The following SLC40A1 variants were observed in gnomAD, a reference collection of about 807,000 sequenced individuals.
SLC40A1 encodes solute carrier family 40 member 1.
Under a neutral mutation model 53.5 loss-of-function variants are expected in SLC40A1, and 16 were observed. The ratio of observed to expected loss-of-function variants is 0.30; its 90% CI spans 0.20 to 0.45. The LOEUF is 0.45. SLC40A1 is among the 20% of genes least tolerant of loss of function. The pLI, the probability that SLC40A1 is intolerant of heterozygous loss-of-function variation, is 1.00. For missense variants in SLC40A1, 545 were observed against 695.4 expected, an observed-to-expected ratio of 0.78 and a Z score of 2.43; for synonymous variants, 247 against 253.2, an observed-to-expected ratio of 0.98 and a Z score of 0.23.
chr2:189,563,278 A>C (rs887723551), intron 7 of SLC40A1, among the ~76,000 whole-genome samples: 7 of 150,592 alleles, frequency 4.6e-5, no homozygotes, highest in Admixed American at 4.0e-4. Context: ...CTGATCTCAA[A>C]AAAAAAAAAA....
intron 2 of SLC40A1, 125 bp downstream of exon 2, chr2:189,579,688 G>T: frequency 1.2e-6 from 1 of 837,182 alleles, no homozygotes; most frequent in Non-Finnish European, 2.1e-6. Flanking sequence ...TAAAGCATGT[G>T]TACTTGGATG....
At position 189,563,888 on chromosome 2, in the gene SLC40A1, T is replaced by C; in HGVS notation, c.1098A>G (p.Lys366=). The change falls in exon 7 of 8, where the codon AAA becomes AAG. Residue 366 remains lysine (K), a synonymous_variant. Coordinates refer to ENST00000261024, the MANE Select transcript of SLC40A1 (RefSeq NM_014585.6). ...TCAGACCTGTCCGAACCAAACCACA[T>C]TTTCGACGTAGCCAAGTAAAAGCTA... The part of the protein sequence containing the change: ...GTVAFTWLRR[K]CGLVRTGLIS... 1 of 1,614,112 alleles carries C rather than the reference T, an allele frequency of 6.2e-7. No homozygotes were observed. Among genetic ancestry groups the C allele is most frequent in the Non-Finnish European group, 8.5e-7 (1 of 1,180,014 alleles).
rs763188298 is a variant in SLC40A1 at position 189,562,111 on chromosome 2, C to T, written c.1483G>A (p.Val495Ile). Residue 495 changes from valine to isoleucine, a missense_variant, in exon 8 of 8, where the codon GTA becomes ATA. Physicochemically the swap from Val to Ile is conservative, Grantham distance 29. Transcript: ENST00000261024. ...IESERGIINGVQNSMNYLLDL... is the reference protein window; with the variant it reads ...IESERGIINGIQNSMNYLLDL... ...AGAAGATAGTTCATGGAGTTCTGTA[C>T]ACCATTTATAATGCCTCTTTCAGAT... 4.3e-6 allele frequency: 7 copies of T among 1,613,708 alleles called. No homozygotes were observed. Among genetic ancestry groups the T allele is most frequent in the Non-Finnish European group, 5.9e-6 (7 of 1,179,754 alleles).
intron 2 of SLC40A1, 85 bp downstream of exon 2, chr2:189,579,727 TG>T: frequency 2.6e-6 from 3 of 1,158,614 alleles, no homozygotes; most frequent in Non-Finnish European, 3.9e-6. Flanking sequence ...TTGACAAAAC[TG>T]GAAGTTGGCT....
At chr2:189,573,125 A>C (rs950314475) in intron 3 of SLC40A1, among the ~76,000 whole-genome samples, 164 bp from the exon 4 acceptor site, 1 of 152,202 alleles carries the variant, frequency 6.6e-6, no homozygotes, top group African/African-American at 2.4e-5. Flanking sequence ...AACTACTCTC[A>C]ATACAACCCA....
At position 189,563,963 on chromosome 2, in the gene SLC40A1, G is replaced by A; in HGVS notation, c.1023C>T (p.Ile341=). ...CTGATGCTCCCATCAAAATACTGAGGATGGAACCACTCAGTCCCTGAGTGT... is the reference window on the plus strand; with the variant it reads ...CTGATGCTCCCATCAAAATACTGAGAATGGAACCACTCAGTCCCTGAGTGT... ...YAYTQGLSGS[I]LSILMGASAI... is the part of the protein sequence containing the mutation. The change falls in exon 7 of 8, where the codon ATC becomes ATT. Residue 341 remains isoleucine (I), a synonymous_variant. Transcript: ENST00000261024. The A allele has an allele frequency of 6.2e-7, 1 of 1,614,134 alleles. No homozygotes were observed. The highest frequency in any genetic ancestry group is 2.2e-5 in the East Asian group (1 of 44,886).
chr2:189,573,623 C>T (rs995180182), intron 3 of SLC40A1, among the ~76,000 whole-genome samples: 1 of 152,162 alleles, frequency 6.6e-6, no homozygotes, highest in Non-Finnish European at 1.5e-5. Context: ...GGCAGATGAT[C>T]TAGGGCAGGA....
Position 189,580,716 on chromosome 2 carries a change from T to C in SLC40A1, c.-256A>G. On this transcript the variant is annotated 5_prime_UTR_variant, in exon 1 of 8. Coordinates refer to ENST00000261024, the MANE Select transcript of SLC40A1 (RefSeq NM_014585.6). ...AAAGGCAAAGCCTTATGGAAGCGGT[T>C]TGGGAGGCTCAGCAGGTCGTCCGAG... The C allele has an allele frequency of 7.1e-7, 1 of 1,401,248 alleles. No homozygotes were observed. Among genetic ancestry groups the C allele is most frequent in the Non-Finnish European group, 9.3e-7 (1 of 1,077,806 alleles). 86.8% of individuals were successfully genotyped at this position (1,401,248 alleles called of 1,614,324 possible).
chr2:189,574,220 T>G (rs972711724), intron 3 of SLC40A1, among the ~76,000 whole-genome samples: 1 of 152,216 alleles, frequency 6.6e-6, no homozygotes, highest in Non-Finnish European at 1.5e-5. Context: ...AATCATTAGA[T>G]TAAAAGTTTC....
At chr2:189,568,325 A>C (rs2105624599) in intron 5 of SLC40A1, among the ~76,000 whole-genome samples, 1 of 152,248 alleles carries the variant, frequency 6.6e-6, no homozygotes, top group Admixed American at 6.5e-5. Context: ...TGTCTCTACT[A>C]AAAATACAAA....
At chr2:189,571,371 T>C (rs561583909) in intron 5 of SLC40A1, among the ~76,000 whole-genome samples, 1 of 152,124 alleles carries the variant, frequency 6.6e-6, no homozygotes, top group East Asian at 1.9e-4. Flanking sequence ...TTCATAGGTA[T>C]GACCAGTAAA....
rs911015902 is a variant in SLC40A1 at position 189,561,324 on chromosome 2, T to C, written c.*554A>G. ...TCTTTAAGCTAAACCATAAACCTTA[T>C]TAGAGAATTCTAGTTAAGTGTTTTG... On this transcript the variant is annotated 3_prime_UTR_variant, in exon 8 of 8. Transcript: ENST00000261024. The C allele has an allele frequency of 1.3e-5, 2 of 155,032 alleles. No homozygotes were observed. Among genetic ancestry groups the C allele is most frequent in the African/African-American group, 4.8e-5 (2 of 41,458 alleles). The allele number at this position is 155,032 out of a possible 1,614,324, so 9.6% of individuals were successfully genotyped here.
intron 1 of SLC40A1, among the ~76,000 whole-genome samples, chr2:189,580,212 A>T (rs1443539616): frequency 6.6e-6 from 1 of 151,758 alleles, no homozygotes; most frequent in African/African-American, 2.4e-5. Context: ...TGCCCAATCT[A>T]CTCCATCCGT....
rs1386070062 is a variant in SLC40A1 at position 189,565,365 on chromosome 2, T to C, written c.749A>G (p.Asn250Ser). Residue 250 changes from asparagine to serine, a missense_variant, in exon 6 of 8, where the codon AAT becomes AGT. Around this residue, in one of 4 missense-constraint regions of SLC40A1, gnomAD observed 107 missense variants for 91.0 expected, o/e 1.18. Coordinates refer to ENST00000261024, the MANE Select transcript of SLC40A1 (RefSeq NM_014585.6). Reference sequence around the variant, plus strand: ...TGTGTTCAGTTTACCTTTGTGTAAATTCAGCTGTTTCAATTCAGTTTCCTC... The same window carrying C: ...TGTGTTCAGTTTACCTTTGTGTAAACTCAGCTGTTTCAATTCAGTTTCCTC... ...KEEETELKQL[N>S]LHKDTEPKPL... 1 of 1,614,256 alleles carries C rather than the reference T, an allele frequency of 6.2e-7. No homozygotes were observed. Among genetic ancestry groups the C allele is most frequent in the South Asian group, 1.1e-5 (1 of 91,084 alleles).
At position 189,563,624 on chromosome 2, in the gene SLC40A1, A is replaced by G. The variant is rs759704180; in HGVS notation, c.1362T>C (p.Ser454=). Residue 454 remains serine, a synonymous_variant, in exon 7 of 8, where the codon TCT becomes TCC. Transcript: ENST00000261024. ...TGACGCCTGCAAACAGCAGACTGAC[A>G]GAGATTATGGGCACAGATTCAGGAC... The part of the protein sequence containing the change: ...ETSPESVPII[S]VSLLFAGVIA... The G allele has an allele frequency of 1.2e-6, 2 of 1,614,048 alleles. No individual in the cohort carries two copies. Among genetic ancestry groups the G allele is most frequent in the Non-Finnish European group, 8.5e-7 (1 of 1,180,010 alleles).
Position 189,573,024 on chromosome 2 carries a change from C to A in SLC40A1, c.272-63G>T, listed in dbSNP as rs2031180562. The A allele has an allele frequency of 2.8e-6, 3 of 1,086,878 alleles. No homozygotes were observed. In the South Asian group the frequency reaches 3.8e-5, roughly 14 times the overall value. 67.3% of individuals were successfully genotyped at this position (1,086,878 alleles called of 1,614,324 possible). On this transcript the variant is annotated intron_variant, in intron 3 of 7. Transcript: ENST00000261024. Reference sequence around the variant, plus strand: ...AATGTCTCAGTGAGACTGTTCTTATCCACACATAATTGTTCTACTATAATA... The same window carrying A: ...AATGTCTCAGTGAGACTGTTCTTATACACACATAATTGTTCTACTATAATA...
intron 5 of SLC40A1, among the ~76,000 whole-genome samples, chr2:189,569,187 T>C (rs1215876153): frequency 6.6e-6 from 1 of 152,254 alleles, no homozygotes; most frequent in Non-Finnish European, 1.5e-5. Flanking sequence ...CCCTCAGTGA[T>C]ACAGCTTCTA....
At position 189,580,603 on chromosome 2, in the gene SLC40A1, G is replaced by A. The variant is rs1574249262; in HGVS notation, c.-143C>T. 3.8e-6 allele frequency: 6 copies of A among 1,562,910 alleles called. No homozygotes were observed. Among genetic ancestry groups the A allele is most frequent in the Non-Finnish European group, 4.3e-6 (5 of 1,159,734 alleles). On this transcript the variant is annotated 5_prime_UTR_variant, in exon 1 of 8. Transcript: ENST00000261024. ...CCTTGGGCAAAAAGACTACAACGACGACTTTGGCAAAGAACAAAAGAAAAG... is the reference window on the plus strand; with the variant it reads ...CCTTGGGCAAAAAGACTACAACGACAACTTTGGCAAAGAACAAAAGAAAAG...
intron 2 of SLC40A1, among the ~76,000 whole-genome samples, chr2:189,576,522 T>C (rs187607961): frequency 2.6e-5 from 4 of 152,338 alleles, no homozygotes. Context: ...TTGCTTCTCC[T>C]ACCCCCACCC....
Sources: allele counts gnomAD v4.1 joint callset (sites outside exome capture counted in the v4.1 genomes callset), GRCh38; gene constraint gnomAD v4.1.1; regional missense constraint gnomAD v4.1.1; transcripts MANE v1.5; gene names NCBI Gene and HGNC (gene_info 2026-07-23, HGNC 2026-07-21).